Variants in APPBP2 observed in about 807,000 individuals in gnomAD.
The protein encoded by APPBP2 is amyloid protein-binding protein 2.
APPBP2 carries 15 observed loss-of-function variants against 76.0 expected under a neutral mutation model. The observed-to-expected ratio is 0.20, with a 90% CI of 0.13 to 0.30. The LOEUF (loss-of-function observed/expected upper bound fraction) is 0.30, where lower values mean the gene tolerates loss of function less well. Among genes scored for constraint, APPBP2 ranks in the 10% least tolerant of loss-of-function variants. The probability of loss-of-function intolerance (pLI) is 1.00; values close to 1 mark genes in which losing one functional copy is unlikely to be tolerated. For missense variants in APPBP2, 401 were observed against 687.2 expected, an observed-to-expected ratio of 0.58 and a Z score of 4.66; for synonymous variants, 222 against 242.2, an observed-to-expected ratio of 0.92 and a Z score of 0.77.
intron 4 of APPBP2, among the ~76,000 whole-genome samples, chr17:60,474,908 TAAATA>T (rs989396679): frequency 2.6e-5 from 4 of 152,116 alleles, no homozygotes; most frequent in Middle Eastern, 3.2e-3. Flanking sequence ...TTTAAGAACT[TAAATA>T]AAAGTTTAAA....
chr17:60,454,706 T>G (rs1482735650), intron 10 of APPBP2, among the ~76,000 whole-genome samples: 2 of 152,182 alleles, frequency 1.3e-5, no homozygotes, highest in African/African-American at 2.4e-5. Context: ...TATTCAAATT[T>G]AAGAAAAACA....
At chr17:60,495,297 A>T (rs1335816279) in intron 2 of APPBP2, among the ~76,000 whole-genome samples, 1 of 151,730 alleles carries the variant, frequency 6.6e-6, no homozygotes, top group Non-Finnish European at 1.5e-5. Flanking sequence ...ATATGAACAG[A>T]TATTTCTCCA....
At chr17:60,524,610 G>GAAAAAAAAAAAAAA (rs35185909) in intron 1 of APPBP2, among the ~76,000 whole-genome samples, 2 of 49,944 alleles carry the variant, frequency 4.0e-5, no homozygotes, top group African/African-American at 9.2e-5. Flanking sequence ...TGCTAATTCT[G>GAAAAAAAAAAAAAA]AAAAAAAAAA....
chr17:60,506,739 T>C (rs8071430), intron 1 of APPBP2, among the ~76,000 whole-genome samples: 2 of 151,962 alleles, frequency 1.3e-5, no homozygotes, highest in African/African-American at 4.8e-5. Context: ...TTTTCTTTTT[T>C]AAAAAAAACA....
chr17:60,477,596 T>C (rs568159384), intron 4 of APPBP2: 2 of 152,202 alleles, frequency 1.3e-5, no homozygotes, highest in East Asian at 3.9e-4. Flanking sequence ...TACTAATCCT[T>C]TTAGAGTTTC....
chr17:60,469,965 G>C (rs574986127), intron 4 of APPBP2, among the ~76,000 whole-genome samples: 5 of 151,840 alleles, frequency 3.3e-5, no homozygotes, highest in Non-Finnish European at 7.4e-5. Flanking sequence ...GTACTCCACA[G>C]CAGCTGCACC....
intron 1 of APPBP2, among the ~76,000 whole-genome samples, chr17:60,511,098 G>A (rs1257616589): frequency 6.6e-6 from 1 of 152,152 alleles, no homozygotes; most frequent in Non-Finnish European, 1.5e-5. Context: ...AGCACAAATG[G>A]AAGTTCAAAA....
At chr17:60,492,127 G>GC (rs1425186053) in intron 3 of APPBP2, among the ~76,000 whole-genome samples, 1 of 152,196 alleles carries the variant, frequency 6.6e-6, no homozygotes, top group East Asian at 1.9e-4. Context: ...CAAGTCCCAA[G>GC]CCTTAGCAGC....
intron 9 of APPBP2, among the ~76,000 whole-genome samples, chr17:60,458,075 C>A (rs1171611116): frequency 6.6e-6 from 1 of 152,154 alleles, no homozygotes; most frequent in Non-Finnish European, 1.5e-5. Context: ...TGACTGGCTT[C>A]TTTCACTGGG....
intron 4 of APPBP2, among the ~76,000 whole-genome samples, chr17:60,470,402 G>C (rs1475272070): frequency 6.6e-6 from 1 of 151,844 alleles, no homozygotes; most frequent in Non-Finnish European, 1.5e-5. Context: ...TGAGACGACA[G>C]GCCAGTGCCA....
rs184454180 is a variant in APPBP2 at position 60,455,773 on chromosome 17, T to C, written c.1147+523A>G. On this transcript the variant is annotated intron_variant, in intron 10 of 12. Transcript: ENST00000083182. ...AGGGAGAGAGAAAAGAAAGAAATTC[T>C]GGCTTACTGATTTTTTTTTCTTGAG... Among the ~76,000 whole-genome samples the C allele has an allele frequency of 4.1e-5, 6 of 144,808 alleles. No homozygotes were observed. In the East Asian group the frequency reaches 9.6e-4, roughly 23 times the overall value. 95.0% of individuals were successfully genotyped at this position (144,808 alleles called of 152,430 possible).
chr17:60,517,068 T>C (rs2090969169), intron 1 of APPBP2, among the ~76,000 whole-genome samples: 1 of 152,166 alleles, frequency 6.6e-6, no homozygotes, highest in Non-Finnish European at 1.5e-5. Context: ...CTCCGTCTCC[T>C]GGGTTCAAGC....
Position 60,456,232 on chromosome 17 carries a change from T to C in APPBP2, c.1147+64A>G, listed in dbSNP as rs181249516. On this transcript the variant is annotated intron_variant, in intron 10 of 12. Coordinates refer to ENST00000083182, the MANE Select transcript of APPBP2 (RefSeq NM_006380.5). ...CCAATCCTCTGAGAAAATAAACAAA[T>C]ACCCCTATTTTATACCATATATCAT... The C allele has an allele frequency of 6.9e-5, 76 of 1,098,384 alleles. 1 individual carries two copies. In the Admixed American group the frequency reaches 1.4e-3, roughly 20 times the overall value. The allele number at this position is 1,098,384 out of a possible 1,614,324, so 68.0% of individuals were successfully genotyped here.
At chr17:60,517,432 C>T (rs1194902404) in intron 1 of APPBP2, among the ~76,000 whole-genome samples, 1 of 152,132 alleles carries the variant, frequency 6.6e-6, no homozygotes, top group Non-Finnish European at 1.5e-5. Context: ...AATATAGCAC[C>T]AATTTATCAC....
chr17:60,447,912 A>G (rs1006475560), intron 12 of APPBP2, 78 bp from the exon 13 acceptor site: 8 of 1,349,998 alleles, frequency 5.9e-6, no homozygotes, highest in Non-Finnish European at 8.1e-6. Flanking sequence ...CATGAACACA[A>G]GTTCAATTCT....
chr17:60,513,014 C>T lies in APPBP2; in HGVS notation c.139-12527G>A, dbSNP rs1364173508. Among the ~76,000 whole-genome samples the T allele has an allele frequency of 3.6e-5, 5 of 140,774 alleles. No homozygotes were observed. In the South Asian group the frequency reaches 6.6e-4, roughly 19 times the overall value. The allele number at this position is 140,774 out of a possible 152,430, so 92.4% of individuals were successfully genotyped here. A position where few individuals can be genotyped will look rare whatever the true frequency, so the allele number is the denominator to read the frequency against. ...TATTCAAAAGGGAACGCTACATGGT[C>T]GCATCTTGGCGTGAGACAGCGCTAT... On this transcript the variant is annotated intron_variant, in intron 1 of 12. Coordinates refer to ENST00000083182, the MANE Select transcript of APPBP2 (RefSeq NM_006380.5).
At chr17:60,456,507 C>A in intron 9 of APPBP2, 126 bp from the exon 10 acceptor site, 2 of 663,576 alleles carry the variant, frequency 3.0e-6, no homozygotes, top group Non-Finnish European at 2.6e-6. Context: ...TGGTAAAGAT[C>A]CAGCTTTTTG....
chr17:60,458,316 T>C (rs1025510338), intron 9 of APPBP2, among the ~76,000 whole-genome samples: 3 of 151,840 alleles, frequency 2.0e-5, no homozygotes, highest in Non-Finnish European at 4.4e-5. Flanking sequence ...TGCCTGTAAT[T>C]CCAGCTACTC....
chr17:60,451,760 T>C (rs2090396931), intron 12 of APPBP2, 120 bp downstream of exon 12: 2 of 856,560 alleles, frequency 2.3e-6, no homozygotes, highest in Non-Finnish European at 3.5e-6. Context: ...ATTACAGGTA[T>C]GAGCCACCGC....
Sources: allele counts gnomAD v4.1 joint callset (sites outside exome capture counted in the v4.1 genomes callset), GRCh38; gene constraint gnomAD v4.1.1; transcripts MANE v1.5; gene names NCBI Gene and HGNC (gene_info 2026-07-23, HGNC 2026-07-21).